The following VPS13B variants were observed in gnomAD, a reference collection of about 807,000 sequenced individuals.
VPS13B encodes the protein intermembrane lipid transfer protein VPS13B.
A neutral mutation model predicts 426.4 loss-of-function variants in VPS13B; 285 were observed. The observed-to-expected ratio is 0.67, with a 90% confidence interval of 0.61 to 0.74. The LOEUF (loss-of-function observed/expected upper bound fraction) is 0.74. VPS13B is among the 30% of genes least tolerant of loss of function. The probability of loss-of-function intolerance (pLI) is 0.00; values close to 1 mark genes in which losing one functional copy is unlikely to be tolerated. For missense variants in VPS13B, 4,537 were observed against 4,782.6 expected (o/e 0.95, Z 1.51); for synonymous variants, 1,676 against 1,676.4 (o/e 1.00, Z 0.01).
chr8:99,541,790 G>T (rs1823636071), intron 30 of VPS13B, among the ~76,000 whole-genome samples: 1 of 152,110 alleles, frequency 6.6e-6, no homozygotes, highest in African/African-American at 2.4e-5. Context: ...AAGTGAAATA[G>T]GTGGTGATCT....
intron 35 of VPS13B, chr8:99,697,373 A>C (rs374001786): frequency 1.7e-6 from 1 of 593,808 alleles, no homozygotes; most frequent in Non-Finnish European, 3.0e-6. Flanking sequence ...AAGTGCCTGA[A>C]GCAGTCCTGT....
intron 39 of VPS13B, among the ~76,000 whole-genome samples, chr8:99,747,866 G>A (rs1810178788): frequency 6.6e-6 from 1 of 151,480 alleles, no homozygotes; most frequent in African/African-American, 2.4e-5. Context: ...TCTCTTGGGC[G>A]GCAGGGTCAG....
chr8:99,418,515 CCTT>C (rs1816187801), intron 21 of VPS13B, among the ~76,000 whole-genome samples: 3 of 82,164 alleles, frequency 3.7e-5, no homozygotes, highest in African/African-American at 1.5e-4. Context: ...TTCTTTCTTT[CCTT>C]TCTTTCTTTC....
intron 23 of VPS13B, among the ~76,000 whole-genome samples, chr8:99,449,015 G>A (rs904951549): frequency 6.6e-6 from 1 of 152,096 alleles, no homozygotes; most frequent in Non-Finnish European, 1.5e-5. Context: ...AGTAAGTATA[G>A]AGGATGGATT....
chr8:99,864,094 TGTGTGGC>T (rs1816973649), intron 58 of VPS13B, among the ~76,000 whole-genome samples: 3 of 152,222 alleles, frequency 2.0e-5, no homozygotes, highest in Non-Finnish European at 4.4e-5. Flanking sequence ...AACTACCAGG[TGTGTGGC>T]AAGAAGAACA....
chr8:99,684,877 T>C (rs1205660000), intron 35 of VPS13B, among the ~76,000 whole-genome samples: 3 of 152,166 alleles, frequency 2.0e-5, no homozygotes, highest in Admixed American at 6.5e-5. Context: ...GATCTTGGCT[T>C]ACTGCAACCT....
chr8:99,517,464 A>G (rs1822146006), intron 29 of VPS13B, among the ~76,000 whole-genome samples: 1 of 152,198 alleles, frequency 6.6e-6, no homozygotes, highest in South Asian at 2.1e-4. Context: ...AATATACGCT[A>G]CATTAATGTA....
chr8:99,410,569 T>TATTTATTA (rs1232873240), intron 21 of VPS13B, among the ~76,000 whole-genome samples: 1 of 150,958 alleles, frequency 6.6e-6, no homozygotes, highest in African/African-American at 2.4e-5. Flanking sequence ...TTTATTTATT[T>TATTTATTA]ATTTATTATT....
chr8:99,705,539 A>C (rs371241842), intron 36 of VPS13B, among the ~76,000 whole-genome samples: 4 of 152,236 alleles, frequency 2.6e-5, no homozygotes, highest in African/African-American at 9.6e-5. Context: ...AAGGAGATTA[A>C]AAATTATGAC....
intron 23 of VPS13B, among the ~76,000 whole-genome samples, chr8:99,457,740 T>A (rs1435049515): frequency 6.6e-6 from 1 of 152,144 alleles, no homozygotes; most frequent in Non-Finnish European, 1.5e-5. Context: ...AAATGTCTTT[T>A]TAACCACTAC....
At chr8:99,670,215 A>G (rs1830652053) in intron 35 of VPS13B, among the ~76,000 whole-genome samples, 1 of 152,130 alleles carries the variant, frequency 6.6e-6, no homozygotes, top group African/African-American at 2.4e-5. Context: ...CCTGGAAAAG[A>G]TTAATCAAAT....
chr8:99,238,439 C>T (rs1036117016), intron 17 of VPS13B, among the ~76,000 whole-genome samples: 2 of 152,076 alleles, frequency 1.3e-5, no homozygotes, highest in African/African-American at 4.8e-5. Flanking sequence ...ATGGGGCAAG[C>T]TTAGGTGAAG....
intron 19 of VPS13B, among the ~76,000 whole-genome samples, chr8:99,372,079 G>A (rs1456996725): frequency 2.0e-5 from 3 of 151,560 alleles, no homozygotes; most frequent in African/African-American, 4.8e-5. Flanking sequence ...GTGAAACCCC[G>A]TCTCTACTAA....
chr8:99,842,629 CA>C (rs2130885400), intron 54 of VPS13B, among the ~76,000 whole-genome samples: 1 of 151,872 alleles, frequency 6.6e-6, no homozygotes, highest in South Asian at 2.1e-4. Flanking sequence ...TTTAAAAAAA[CA>C]AAAAACTTCC....
chr8:99,324,490 CTT>C (rs1810138443), intron 19 of VPS13B, among the ~76,000 whole-genome samples: 2 of 152,042 alleles, frequency 1.3e-5, no homozygotes, highest in African/African-American at 4.8e-5. Context: ...TGAAAGATTT[CTT>C]AGAGTTTTCA....
intron 22 of VPS13B, among the ~76,000 whole-genome samples, chr8:99,433,715 GA>G (rs911758690): frequency 6.6e-6 from 1 of 152,008 alleles, no homozygotes; most frequent in African/African-American, 2.4e-5. Context: ...ACTGAATATT[GA>G]AAAAAATAGT....
chr8:99,051,257 GTTTTC>G (rs1843534785), intron 3 of VPS13B, among the ~76,000 whole-genome samples: 1 of 152,214 alleles, frequency 6.6e-6, no homozygotes, highest in Non-Finnish European at 1.5e-5. Context: ...TGGCTAGCCA[GTTTTC>G]CCAGCACCAT....
intron 3 of VPS13B, among the ~76,000 whole-genome samples, chr8:99,066,128 C>T (rs1258256463): frequency 3.3e-5 from 5 of 152,230 alleles, no homozygotes; most frequent in Non-Finnish European, 7.3e-5. Context: ...CAATGACTTT[C>T]TTCACAGAAT....
At chr8:99,446,086 A>G (rs1817906413) in intron 23 of VPS13B, among the ~76,000 whole-genome samples, 1 of 152,218 alleles carries the variant, frequency 6.6e-6, no homozygotes, top group Non-Finnish European at 1.5e-5. Flanking sequence ...ACATTTGCCT[A>G]CCTATATGCT....
Sources: allele counts gnomAD v4.1 joint callset (sites outside exome capture counted in the v4.1 genomes callset), GRCh38; gene constraint gnomAD v4.1.1; transcripts MANE v1.5; gene names NCBI Gene and HGNC (gene_info 2026-07-23, HGNC 2026-07-21).